The following ALKAL1 variants were observed in gnomAD, a reference collection of about 807,000 sequenced individuals.
ALKAL1 encodes the protein AUG-beta.
In ALKAL1, 23 loss-of-function variants were observed where a neutral mutation model predicts 13.5. The ratio of observed to expected loss-of-function variants is 1.70; its 90% CI spans 1.23 to 2.41. The LOEUF (loss-of-function observed/expected upper bound fraction) is 2.41, where lower values mean the gene tolerates loss of function less well. Ranked by LOEUF, ALKAL1 falls within the 30% of genes most tolerant of loss-of-function variation. The probability of loss-of-function intolerance (pLI) is 0.00; values close to 1 mark genes in which losing one functional copy is unlikely to be tolerated. For synonymous variants in ALKAL1, 85 were observed against 77.7 expected, an observed-to-expected ratio of 1.09 and a Z score of -0.49; for missense variants, 181 against 178.4, an observed-to-expected ratio of 1.01 and a Z score of -0.08.
chr8:52,534,462 C>T lies in ALKAL1; in HGVS notation c.*151G>A, dbSNP rs1590863278. 9 of 443,658 alleles carry T rather than the reference C, an allele frequency of 2.0e-5. No homozygotes were observed. In the East Asian group the frequency reaches 3.1e-4, roughly 15 times the overall value. 27.5% of individuals were successfully genotyped at this position (443,658 alleles called of 1,614,324 possible). Reference sequence around the variant, plus strand: ...AAAGACTCCATTCTATGACAGGAAACAGCTAACCAGTTATTTCTGGGAAGT... The same window carrying T: ...AAAGACTCCATTCTATGACAGGAAATAGCTAACCAGTTATTTCTGGGAAGT... On this transcript the variant is annotated 3_prime_UTR_variant, in exon 5 of 5. Coordinates refer to ENST00000358543, the MANE Select transcript of ALKAL1 (RefSeq NM_207413.4).
chr8:52,550,513 G>A (rs1847419091), intron 1 of ALKAL1, among the ~76,000 whole-genome samples: 2 of 152,134 alleles, frequency 1.3e-5, no homozygotes, highest in South Asian at 4.2e-4. Flanking sequence ...CTTCAGAAAC[G>A]ACCATATATT....
At chr8:52,542,215 T>G (rs1250698661) in intron 2 of ALKAL1, among the ~76,000 whole-genome samples, 177 bp downstream of exon 2, 1 of 152,218 alleles carries the variant, frequency 6.6e-6, no homozygotes, top group South Asian at 2.1e-4. Flanking sequence ...CTTCTATTAC[T>G]TATTAAGGGC....
chr8:52,558,729 T>A (rs66813456), intron 1 of ALKAL1, among the ~76,000 whole-genome samples: 29,089 of 151,932 alleles, frequency 0.19, 3,713 homozygotes, highest in East Asian at 0.62. Flanking sequence ...ATGCCTAATT[T>A]AAAAAAAATT....
rs1377359787 is a variant in ALKAL1 at position 52,565,078 on chromosome 8, G to A, written c.179C>T (p.Ser60Phe). The change falls in exon 1 of 5, where the codon TCC becomes TTC. Residue 60 changes from serine (S) to phenylalanine (F), a missense_variant. By Grantham distance (155) the Ser-to-Phe change is radical (BLOSUM62 -2). Coordinates refer to ENST00000358543, the MANE Select transcript of ALKAL1 (RefSeq NM_207413.4). ...AAGAGRTPSG[S>F]RSAEIFPRDS... ...TGGGGACATCGTACCTGCGCTCCGG[G>A]AGCCGCTGGGAGTCCGGCCGGCCCC... is the stretch of plus-strand genomic sequence containing the variant. The A allele has an allele frequency of 7.1e-6, 10 of 1,403,432 alleles. 1 individual carries two copies. The highest frequency in any genetic ancestry group is 6.3e-5 in the South Asian group (4 of 63,828). 86.9% of individuals were successfully genotyped at this position (1,403,432 alleles called of 1,614,324 possible).
intron 1 of ALKAL1, among the ~76,000 whole-genome samples, chr8:52,548,418 A>T (rs1431316419): frequency 1.3e-5 from 2 of 152,178 alleles, no homozygotes; most frequent in Non-Finnish European, 1.5e-5. Context: ...ATGAGGAAGA[A>T]GTGCTAGTGT....
Position 52,546,722 on chromosome 8 carries a change from G to A in ALKAL1, c.191-4277C>T, listed in dbSNP as rs1463479014. 2.0e-5 allele frequency among the ~76,000 whole-genome samples: 3 copies of A among 152,224 alleles called. No homozygotes were observed. In the East Asian group the frequency reaches 5.8e-4, roughly 29 times the overall value. ...GTCCAGCTCCAGCCAATGGATGCAG[G>A]ACACAGCAGTAAGGACAAACCAAAT... On this transcript the variant is annotated intron_variant, in intron 1 of 4. Coordinates refer to ENST00000358543, the MANE Select transcript of ALKAL1 (RefSeq NM_207413.4).
At chr8:52,536,034 G>A (rs181718870) in intron 4 of ALKAL1, among the ~76,000 whole-genome samples, 204 of 152,254 alleles carry the variant, frequency 1.3e-3, no homozygotes, top group Non-Finnish European at 2.3e-3. Context: ...CACCTCTTGG[G>A]TTCAAGCGAT....
chr8:52,548,042 G>A (rs1352644987), intron 1 of ALKAL1, among the ~76,000 whole-genome samples: 1 of 152,118 alleles, frequency 6.6e-6, no homozygotes, highest in Non-Finnish European at 1.5e-5. Context: ...GGTGTTGGAC[G>A]GCATAAGTCT....
At chr8:52,548,118 G>T (rs538658931) in intron 1 of ALKAL1, among the ~76,000 whole-genome samples, 3 of 152,328 alleles carry the variant, frequency 2.0e-5, no homozygotes, top group South Asian at 4.1e-4. Flanking sequence ...GGAGGCCGAG[G>T]CCGGTGGATC....
In ALKAL1 at chr8:52,549,803, G is replaced by A. The variant is rs746490409; in HGVS notation, c.191-7358C>T. Among the ~76,000 whole-genome samples the A allele has an allele frequency of 4.6e-5, 7 of 152,078 alleles. No homozygotes were observed. The East Asian group carries it at 5.8e-4, about 13-fold the overall frequency. On this transcript the variant is annotated intron_variant, in intron 1 of 4. Coordinates refer to ENST00000358543, the MANE Select transcript of ALKAL1 (RefSeq NM_207413.4). ...CTAAAAATATAAAAATTAGTCAGGC[G>A]TGGTGGCACACACCTGCAATCCCAG...
At chr8:52,537,778 G>A (rs1257132474) in intron 4 of ALKAL1, among the ~76,000 whole-genome samples, 1 of 151,628 alleles carries the variant, frequency 6.6e-6, no homozygotes, top group Non-Finnish European at 1.5e-5. Flanking sequence ...GCTCATAGAA[G>A]TAGAGAGTAG....
chr8:52,538,577 T>C, intron 3 of ALKAL1, 70 bp from the exon 4 acceptor site: 6 of 972,978 alleles, frequency 6.2e-6, no homozygotes, highest in South Asian at 2.9e-5. Flanking sequence ...CTGTTATTAT[T>C]GTCACTAATT....
At chr8:52,564,410 C>G (rs1847580179) in intron 1 of ALKAL1, among the ~76,000 whole-genome samples, 1 of 152,232 alleles carries the variant, frequency 6.6e-6, no homozygotes, top group Non-Finnish European at 1.5e-5. Context: ...CACGACTTCT[C>G]TGCCTGTGGA....
rs576246617 is a variant in ALKAL1 at position 52,552,268 on chromosome 8, G to A, written c.191-9823C>T. Among the ~76,000 whole-genome samples the A allele has an allele frequency of 5.9e-5, 9 of 152,224 alleles. No individual in the cohort carries two copies. The South Asian group carries it at 8.3e-4, about 14-fold the overall frequency. ...ACGGGTGTTAGGGAGGAAGACCACCGAGGCAAATGCCATTTTCATCACATC... is the reference window on the plus strand; with the variant it reads ...ACGGGTGTTAGGGAGGAAGACCACCAAGGCAAATGCCATTTTCATCACATC... On this transcript the variant is annotated intron_variant, in intron 1 of 4. Transcript: ENST00000358543.
intron 4 of ALKAL1, among the ~76,000 whole-genome samples, chr8:52,536,762 G>A (rs949562044): frequency 8.5e-5 from 13 of 152,128 alleles, no homozygotes; most frequent in East Asian, 1.9e-4. Flanking sequence ...GCCTATCTGC[G>A]TAATGTTTCT....
chr8:52,564,441 C>T (rs1847580481), intron 1 of ALKAL1, among the ~76,000 whole-genome samples: 1 of 152,218 alleles, frequency 6.6e-6, no homozygotes, highest in African/African-American at 2.4e-5. Context: ...CCCTCTAGAG[C>T]AGCGACTTTT....
At chr8:52,535,991 T>C (rs904599270) in intron 4 of ALKAL1, among the ~76,000 whole-genome samples, 2 of 151,916 alleles carry the variant, frequency 1.3e-5, no homozygotes, top group Non-Finnish European at 2.9e-5. Flanking sequence ...AAGCCTGGAG[T>C]GCAGTGCTGC....
chr8:52,558,171 T>C (rs114842201), intron 1 of ALKAL1, among the ~76,000 whole-genome samples: 12,651 of 148,942 alleles, frequency 0.085, 629 homozygotes, highest in Non-Finnish European at 0.12. Flanking sequence ...CGTATATATA[T>C]ACACACACAT....
intron 1 of ALKAL1, among the ~76,000 whole-genome samples, chr8:52,548,790 T>C (rs988709892): frequency 1.4e-4 from 22 of 152,120 alleles, no homozygotes; most frequent in East Asian, 5.8e-4. Context: ...TTTGTAAAAG[T>C]TTCTAGTTTT....
Sources: allele counts gnomAD v4.1 joint callset (sites outside exome capture counted in the v4.1 genomes callset), GRCh38; gene constraint gnomAD v4.1.1; transcripts MANE v1.5; gene names NCBI Gene and HGNC (gene_info 2026-07-23, HGNC 2026-07-21).